Variants in DPP10 observed in about 807,000 individuals in gnomAD.
DPP10 encodes dipeptidyl peptidase like 10.
DPP10 carries 33 observed loss-of-function variants against 120.9 expected under a neutral mutation model. The observed-to-expected ratio is 0.27, with a 90% confidence interval of 0.21 to 0.37. DPP10 has a LOEUF of 0.37. DPP10 is among the 10% of genes least tolerant of loss of function. The pLI, the probability that DPP10 is intolerant of heterozygous loss-of-function variation, is 1.00. For synonymous variants in DPP10, 337 were observed against 326.1 expected, an observed-to-expected ratio of 1.03 and a Z score of -0.36; for missense variants, 816 against 942.8, an observed-to-expected ratio of 0.87 and a Z score of 1.76.
chr2:114,951,193 A>G (rs2104643309), intron 1 of DPP10, among the ~76,000 whole-genome samples: 1 of 152,310 alleles, frequency 6.6e-6, no homozygotes, highest in East Asian at 1.9e-4. Context: ...AAGATTTAGT[A>G]CACAACACTG....
rs753421634 is a variant in DPP10 at position 115,791,170 on chromosome 2, G to C, written c.1621G>C (p.Asp541His). 6.2e-7 allele frequency: 1 copy of C among 1,613,170 alleles called. No individual in the cohort carries two copies. Among genetic ancestry groups the C allele is most frequent in the South Asian group, 1.1e-5 (1 of 90,988 alleles). The change falls in exon 18 of 26, where the codon GAC (aspartate) becomes CAC (histidine). Residue 541 changes from aspartate to histidine, a missense_variant. Asp to His is a moderately conservative substitution (Grantham distance 81, BLOSUM62 -1). Transcript: ENST00000410059. ...GCCAGAAATTAAAATCCTTCATATT[G>C]ACGACTATGGTAAAATTTTGTGCAT... The part of the protein sequence containing the change: ...GKPEIKILHI[D>H]DYELPLQLSL...
At chr2:115,211,913 T>G (rs2056539220) in intron 1 of DPP10, among the ~76,000 whole-genome samples, 1 of 152,192 alleles carries the variant, frequency 6.6e-6, no homozygotes, top group Admixed American at 6.6e-5. Flanking sequence ...TAGTTAAAGC[T>G]ATTTGATGCT....
chr2:114,579,671 C>T (rs1212760430), intron 1 of DPP10, among the ~76,000 whole-genome samples: 2 of 152,162 alleles, frequency 1.3e-5, no homozygotes, highest in Non-Finnish European at 2.9e-5. Context: ...TGGGAGCTTT[C>T]TGCAAGGAGT....
chr2:115,803,206 G>T (rs1006711791), intron 19 of DPP10, among the ~76,000 whole-genome samples: 1 of 152,028 alleles, frequency 6.6e-6, no homozygotes, highest in Non-Finnish European at 1.5e-5. Context: ...TGTCTCTGTT[G>T]ATCTTTGTTG....
At chr2:114,599,373 C>T (rs969755088) in intron 1 of DPP10, among the ~76,000 whole-genome samples, 62 of 151,832 alleles carry the variant, frequency 4.1e-4, no homozygotes, top group African/African-American at 1.4e-3. Flanking sequence ...CCTTCATTTT[C>T]CTTTGCAGGT....
chr2:114,582,106 C>G (rs963233395), intron 1 of DPP10, among the ~76,000 whole-genome samples: 3 of 152,198 alleles, frequency 2.0e-5, no homozygotes, highest in African/African-American at 2.4e-5. Context: ...CCTCTGCACT[C>G]TGCCTATTTA....
chr2:115,307,881 T>A (rs2061423347), intron 1 of DPP10, among the ~76,000 whole-genome samples: 2 of 152,124 alleles, frequency 1.3e-5, no homozygotes, highest in African/African-American at 4.8e-5. Flanking sequence ...ATGAGAATCC[T>A]AAAGTGCAAG....
chr2:115,205,174 T>C (rs1045197914), intron 1 of DPP10, among the ~76,000 whole-genome samples: 3 of 152,214 alleles, frequency 2.0e-5, no homozygotes, highest in African/African-American at 7.2e-5. Flanking sequence ...CCAAGGCCAA[T>C]GTCCAGAAGG....
chr2:114,444,201 A>G (rs2104515641), intron 1 of DPP10, among the ~76,000 whole-genome samples: 1 of 152,310 alleles, frequency 6.6e-6, no homozygotes, highest in Non-Finnish European at 1.5e-5. Context: ...GAAATAAAAA[A>G]TGTTGAGCTT....
At chr2:115,132,330 AC>A (rs1331505824) in intron 1 of DPP10, among the ~76,000 whole-genome samples, 1 of 152,030 alleles carries the variant, frequency 6.6e-6, no homozygotes, top group Non-Finnish European at 1.5e-5. Flanking sequence ...TCAGACTCTT[AC>A]TTAATCTTTT....
chr2:115,217,352 T>G (rs116606823), intron 1 of DPP10, among the ~76,000 whole-genome samples: 3 of 152,028 alleles, frequency 2.0e-5, no homozygotes, highest in African/African-American at 7.2e-5. Context: ...ACCTAAAGAG[T>G]GCTCGCCACA....
chr2:114,765,033 T>A (rs1166764806), intron 1 of DPP10, among the ~76,000 whole-genome samples: 8 of 152,302 alleles, frequency 5.3e-5, no homozygotes, highest in Non-Finnish European at 1.5e-5. Flanking sequence ...AAATGATTGG[T>A]CCATATTGGG....
chr2:115,477,063 G>A (rs1049117533), intron 3 of DPP10, among the ~76,000 whole-genome samples: 6 of 152,036 alleles, frequency 3.9e-5, no homozygotes, highest in African/African-American at 4.8e-5. Flanking sequence ...CACATTACTC[G>A]CAATGGTGAA....
At chr2:114,963,592 T>C (rs1698803758) in intron 1 of DPP10, among the ~76,000 whole-genome samples, 1 of 152,172 alleles carries the variant, frequency 6.6e-6, no homozygotes, top group African/African-American at 2.4e-5. Context: ...TGTGCCAATG[T>C]AAATAGGCCC....
At chr2:115,362,626 A>T (rs775722032) in intron 3 of DPP10, among the ~76,000 whole-genome samples, 4 of 152,208 alleles carry the variant, frequency 2.6e-5, no homozygotes, top group Admixed American at 6.5e-5. Flanking sequence ...AGTGAGATTC[A>T]TATAGTGGAT....
intron 1 of DPP10, among the ~76,000 whole-genome samples, chr2:114,968,879 TGTGA>T (rs1699212089): frequency 6.6e-6 from 1 of 152,182 alleles, no homozygotes; most frequent in Non-Finnish European, 1.5e-5. Context: ...GTCAAGGCAA[TGTGA>T]GTGTTTCTGT....
chr2:114,730,063 T>G (rs1304061946), intron 1 of DPP10, among the ~76,000 whole-genome samples: 2 of 152,154 alleles, frequency 1.3e-5, no homozygotes, highest in African/African-American at 4.8e-5. Flanking sequence ...AATAAAACTT[T>G]GAAAATTATT....
In DPP10 at chr2:115,759,569, G is replaced by C. The variant is rs79276855; in HGVS notation, c.1075-3003G>C. Among the ~76,000 whole-genome samples the C allele has an allele frequency of 8.1e-3, 1,233 of 151,922 alleles. 10 individuals carry two copies. The highest frequency in any genetic ancestry group is 0.021 in the Middle Eastern group (6 of 290). On this transcript the variant is annotated intron_variant, in intron 11 of 25. Transcript: ENST00000410059. Reference sequence around the variant, plus strand: ...CAAAAATTCTCGTTCTTTGCAAGTGGGAATGTAAAATGATATGATTACATT... The same window carrying C: ...CAAAAATTCTCGTTCTTTGCAAGTGCGAATGTAAAATGATATGATTACATT...
At chr2:114,905,875 G>C (rs1693921108) in intron 1 of DPP10, among the ~76,000 whole-genome samples, 1 of 152,072 alleles carries the variant, frequency 6.6e-6, no homozygotes, top group Admixed American at 6.5e-5. Context: ...ATTGATTTTT[G>C]TGTATTGATA....
Sources: allele counts gnomAD v4.1 joint callset (sites outside exome capture counted in the v4.1 genomes callset), GRCh38; gene constraint gnomAD v4.1.1; transcripts MANE v1.5; gene names NCBI Gene and HGNC (gene_info 2026-07-23, HGNC 2026-07-21).